Variants in SHROOM2 observed in about 807,000 individuals in gnomAD.
The protein encoded by SHROOM2 is protein Shroom2.
In SHROOM2, 33 loss-of-function variants were observed where a neutral mutation model predicts 75.9. The observed-to-expected ratio is 0.43, with a 90% CI of 0.33 to 0.58. The LOEUF (loss-of-function observed/expected upper bound fraction) is 0.58. Among genes scored for constraint, SHROOM2 ranks in the 20% least tolerant of loss-of-function variants. The probability of loss-of-function intolerance (pLI) is 0.04; values close to 1 mark genes in which losing one functional copy is unlikely to be tolerated. For missense variants in SHROOM2, 1,434 were observed against 1,461.2 expected (o/e 0.98, Z 0.30); for synonymous variants, 655 against 663.6 (o/e 0.99, Z 0.20).
intron 5 of SHROOM2, among the ~76,000 whole-genome samples, chrX:9,900,285 CTT>C (rs938929284): frequency 9.0e-5 from 10 of 110,860 alleles, no homozygotes; most frequent in Non-Finnish European, 1.9e-4. Flanking sequence ...TTCAGAGACT[CTT>C]TAATTTCTGA....
chrX:9,932,380 C>G lies in SHROOM2; in HGVS notation c.3097C>G (p.Arg1033Gly). The G allele has an allele frequency of 8.3e-7, 1 of 1,209,064 alleles. No homozygotes were observed. Among genetic ancestry groups the G allele is most frequent in the Non-Finnish European group, 1.1e-6 (1 of 894,111 alleles). Residue 1033 changes from arginine to glycine, a missense_variant, in exon 6 of 10, where the codon CGA becomes GGA. Physicochemically the swap from Arg to Gly is moderately radical, Grantham distance 125 (BLOSUM62 -2). This residue lies in a region of SHROOM2 where 1,340 missense variants were observed against 1,338.3 expected (regional missense o/e 1.00). Coordinates refer to ENST00000380913, the MANE Select transcript of SHROOM2 (RefSeq NM_001649.4). ...EESTPADLGPRAQSPGSPLHA... is the reference protein window; with the variant it reads ...EESTPADLGPGAQSPGSPLHA... ...GAGCACCCCAGCAGACTTGGGACCC[C>G]GAGCCCAGAGCCCTGGCTCACCCCT...
chrX:9,940,238 A>T (rs991129830), intron 8 of SHROOM2, among the ~76,000 whole-genome samples: 2 of 112,244 alleles, frequency 1.8e-5, no homozygotes, highest in Non-Finnish European at 3.8e-5. Flanking sequence ...AGAATCCAAA[A>T]CATGTTCGGT....
chrX:9,834,580 C>T (rs1303762288), intron 1 of SHROOM2, among the ~76,000 whole-genome samples: 1 of 110,962 alleles, frequency 9.0e-6, no homozygotes, highest in Non-Finnish European at 1.9e-5. Context: ...TGGTGTTGCT[C>T]ATCAGTGCTC....
rs200112379 is a variant in SHROOM2 at position 9,939,218 on chromosome X, C to A, written c.4163C>A (p.Ala1388Glu). 8.3e-7 allele frequency: 1 copy of A among 1,205,811 alleles called. No homozygotes were observed. The highest frequency in any genetic ancestry group is 1.8e-5 in the African/African-American group (1 of 57,135). Residue 1388 changes from alanine (A) to glutamate (E), a missense_variant, in exon 8 of 10, where the codon GCG (alanine) becomes GAG (glutamate). Physicochemically the swap from Ala to Glu is moderately radical, Grantham distance 107 (BLOSUM62 -1). This residue lies in a region of SHROOM2 where 1,340 missense variants were observed against 1,338.3 expected (regional missense o/e 1.00). Transcript: ENST00000380913. ...EERKEEPSVP[A>E]AVSLATNSTY... is the part of the protein sequence containing the mutation. Reference sequence around the variant, plus strand: ...AGGAAAGAGGAGCCCAGCGTGCCTGCGGCCGTGTCCCTGGCCACCAATTCT... The same window carrying A: ...AGGAAAGAGGAGCCCAGCGTGCCTGAGGCCGTGTCCCTGGCCACCAATTCT...
At chrX:9,860,617 T>C (rs965841846) in intron 1 of SHROOM2, among the ~76,000 whole-genome samples, 1 of 111,401 alleles carries the variant, frequency 9.0e-6, no homozygotes, top group African/African-American at 3.3e-5. Flanking sequence ...AGAGATGGGG[T>C]TTCACCATGT....
At chrX:9,807,181 C>A (rs998871037) in intron 1 of SHROOM2, among the ~76,000 whole-genome samples, 4 of 111,995 alleles carry the variant, frequency 3.6e-5, no homozygotes, top group African/African-American at 1.3e-4. Flanking sequence ...CCTGGATGAT[C>A]CCCCAGCAGG....
chrX:9,840,964 T>C (rs2083976209), intron 1 of SHROOM2, among the ~76,000 whole-genome samples: 1 of 112,538 alleles, frequency 8.9e-6, no homozygotes, highest in Admixed American at 9.5e-5. Context: ...TTGTTGTTTT[T>C]GTTTTTTGAG....
rs901208510 is a variant in SHROOM2, at chrX:9,948,540, A to T, written c.*1603A>T. 26 of 113,159 alleles carry T rather than the reference A, an allele frequency of 2.3e-4. No individual in the cohort carries two copies. The highest frequency in any genetic ancestry group is 2.2e-3 in the Admixed American group (24 of 10,694). The allele number at this position is 113,159 out of a possible 1,213,427, so 9.3% of individuals were successfully genotyped here. On this transcript the variant is annotated 3_prime_UTR_variant, in exon 10 of 10. Coordinates refer to ENST00000380913, the MANE Select transcript of SHROOM2 (RefSeq NM_001649.4). Reference sequence around the variant, plus strand: ...AAAGCAGACGCGTGCGCGTGCACAGATGCACACACACAGATGTCTTAAAAG... The same window carrying T: ...AAAGCAGACGCGTGCGCGTGCACAGTTGCACACACACAGATGTCTTAAAAG...
chrX:9,789,355 T>TC (rs2083634693), intron 1 of SHROOM2, among the ~76,000 whole-genome samples: 1 of 111,358 alleles, frequency 9.0e-6, no homozygotes, highest in South Asian at 3.8e-4. Flanking sequence ...CGCTGACAGA[T>TC]GGCGACAGGA....
intron 2 of SHROOM2, among the ~76,000 whole-genome samples, chrX:9,884,368 C>CTTT (rs1181815816): frequency 5.6e-4 from 35 of 62,244 alleles, no homozygotes; most frequent in South Asian, 1.8e-3. Context: ...TTTTTCTTTT[C>CTTT]TTTTTTTTTT....
In SHROOM2 at chrX:9,948,859, C is replaced by G. The variant is rs775203011; in HGVS notation, c.*1922C>G. On this transcript the variant is annotated 3_prime_UTR_variant, in exon 10 of 10. Coordinates refer to ENST00000380913, the MANE Select transcript of SHROOM2 (RefSeq NM_001649.4). ...AAAGGTGAAGCTGGCTGTGCACTTA[C>G]CCCCATCTTTCTCCCTCGGGGAGAC... is the stretch of plus-strand genomic sequence containing the variant. 6.1e-5 allele frequency: 7 copies of G among 114,524 alleles called. No individual in the cohort carries two copies. The highest frequency in any genetic ancestry group is 2.3e-4 in the African/African-American group (7 of 31,106). The allele number at this position is 114,524 out of a possible 1,213,427, so 9.4% of individuals were successfully genotyped here.
intron 1 of SHROOM2, among the ~76,000 whole-genome samples, chrX:9,850,528 G>A (rs997073315): frequency 2.7e-5 from 3 of 111,372 alleles, no homozygotes; most frequent in Non-Finnish European, 5.7e-5. Flanking sequence ...CTTCTCTGTG[G>A]CACCCCATGT....
chrX:9,809,369 G>A (rs954410770), intron 1 of SHROOM2, among the ~76,000 whole-genome samples: 17 of 110,906 alleles, frequency 1.5e-4, no homozygotes, highest in African/African-American at 4.9e-4. Flanking sequence ...ACCAGATTGA[G>A]GGCAGATCTG....
At chrX:9,877,469 T>C (rs1217283054) in intron 2 of SHROOM2, among the ~76,000 whole-genome samples, 1 of 111,585 alleles carries the variant, frequency 9.0e-6, no homozygotes, top group African/African-American at 3.3e-5. Context: ...AGGCGGTTTG[T>C]TGTTCTGTCT....
At chrX:9,861,255 C>T (rs1369863766) in intron 1 of SHROOM2, among the ~76,000 whole-genome samples, 1 of 112,259 alleles carries the variant, frequency 8.9e-6, no homozygotes, top group Non-Finnish European at 1.9e-5. Flanking sequence ...TAGCCTTGAA[C>T]TCCTGGGCTG....
rs2084184266 is a variant in SHROOM2 at position 9,873,822 on chromosome X, C to T, written c.317+19C>T. The T allele has an allele frequency of 1.7e-6, 2 of 1,205,512 alleles. No individual in the cohort carries two copies. The highest frequency in any genetic ancestry group is 2.2e-6 in the Non-Finnish European group (2 of 891,595). Reference sequence around the variant, plus strand: ...TCAAAAGGTAAGATCTGAGCTTCCTCCCACATTTACCACGACACACAGGAA... The same window carrying T: ...TCAAAAGGTAAGATCTGAGCTTCCTTCCACATTTACCACGACACACAGGAA... On this transcript the variant is annotated intron_variant, in intron 2 of 9. Coordinates refer to ENST00000380913, the MANE Select transcript of SHROOM2 (RefSeq NM_001649.4).
chrX:9,817,678 T>A (rs777340967), intron 1 of SHROOM2, among the ~76,000 whole-genome samples: 1 of 112,580 alleles, frequency 8.9e-6, no homozygotes, highest in Admixed American at 9.4e-5. Flanking sequence ...GTTATCAGTC[T>A]ACCTCGCAGT....
intron 6 of SHROOM2, among the ~76,000 whole-genome samples, 195 bp downstream of exon 6, chrX:9,933,065 G>C (rs2084667368): frequency 9.0e-6 from 1 of 111,202 alleles, no homozygotes; most frequent in Non-Finnish European, 1.9e-5. Flanking sequence ...CTCACTGGGG[G>C]GCTGCTGTTT....
At chrX:9,825,728 A>G (rs2083884143) in intron 1 of SHROOM2, among the ~76,000 whole-genome samples, 1 of 111,789 alleles carries the variant, frequency 8.9e-6, no homozygotes, top group African/African-American at 3.3e-5. Flanking sequence ...TCAGTGAGGA[A>G]GATAGTAGCT....
Sources: gnomAD v4.1 joint callset for allele counts (sites outside exome capture counted in the v4.1 genomes callset) on GRCh38, gnomAD v4.1.1 for gene constraint, gnomAD v4.1.1 regional missense constraint, MANE v1.5 for transcripts, NCBI Gene and HGNC (gene_info 2026-07-23, HGNC 2026-07-21) for gene names.